The following RIN2 variants were observed in gnomAD, a reference collection of about 807,000 sequenced individuals.
The protein encoded by RIN2 is RAB5 interacting protein 2.
A neutral mutation model predicts 78.0 loss-of-function variants in RIN2; 36 were observed. The ratio of observed to expected loss-of-function variants is 0.46; its 90% CI spans 0.35 to 0.61. The LOEUF is 0.61. Among genes scored for constraint, RIN2 ranks in the 20% least tolerant of loss-of-function variants. RIN2 has a pLI of 0.00. For missense variants in RIN2, 1,087 were observed against 1,159.7 expected (o/e 0.94, Z 0.91); for synonymous variants, 466 against 466.8 (o/e 1.00, Z 0.02).
At chr20:19,909,842 C>T (rs2039385047) in intron 3 of RIN2, among the ~76,000 whole-genome samples, 3 of 152,208 alleles carry the variant, frequency 2.0e-5, no homozygotes, top group Admixed American at 2.0e-4. Flanking sequence ...CCCAGAGGCA[C>T]TCAGCAGGCA....
chr20:19,873,482 G>A (rs899340953), intron 2 of RIN2, among the ~76,000 whole-genome samples: 4 of 152,132 alleles, frequency 2.6e-5, no homozygotes, highest in Non-Finnish European at 5.9e-5. Flanking sequence ...TGCAGGCCAC[G>A]TAGTCTCTGT....
rs1400044530 is a variant in RIN2, at chr20:19,889,666, G to A, written c.57+8G>A. On this transcript the variant is annotated splice_region_variant and intron_variant, in intron 3 of 12. Coordinates refer to ENST00000255006, the MANE Select transcript of RIN2 (RefSeq NM_018993.4). The stretch of plus-strand genomic sequence containing the variant: ...CGAGGAAGTTTCTTTAAGGTAAAAG[G>A]AAGCCTTGATTGGGATCTCAACTCG... The A allele has an allele frequency of 2.7e-6, 4 of 1,494,436 alleles. No homozygotes were observed. Among genetic ancestry groups the A allele is most frequent in the Non-Finnish European group, 3.6e-6 (4 of 1,114,758 alleles). The allele number at this position is 1,494,436 out of a possible 1,614,324, so 92.6% of individuals were successfully genotyped here. A position where few individuals can be genotyped will look rare whatever the true frequency, so the allele number is the denominator to read the frequency against.
At chr20:19,876,353 C>T (rs1298601281) in intron 2 of RIN2, among the ~76,000 whole-genome samples, 2 of 152,090 alleles carry the variant, frequency 1.3e-5, no homozygotes, top group East Asian at 3.9e-4. Flanking sequence ...TTTCTGTCTA[C>T]TCTCTGTGTA....
intron 3 of RIN2, among the ~76,000 whole-genome samples, chr20:19,893,754 A>G (rs2038589903): frequency 6.6e-6 from 1 of 152,174 alleles, no homozygotes; most frequent in Middle Eastern, 3.2e-3. Context: ...CATCTGGGAA[A>G]AGTGGTATCT....
At position 19,880,942 on chromosome 20, in the gene RIN2, C is replaced by T. The variant is rs144999310; in HGVS notation, c.-36-8624C>T. ...ACATATGGCTTCCTTTAACTATTCC[C>T]GATGGCAGCATTTTACTTGGTTAAG... On this transcript the variant is annotated intron_variant, in intron 2 of 12. Coordinates refer to ENST00000255006, the MANE Select transcript of RIN2 (RefSeq NM_018993.4). Among the ~76,000 whole-genome samples, 398 of 152,244 alleles carry T rather than the reference C, an allele frequency of 2.6e-3. 2 individuals are homozygous for T. The highest frequency in any genetic ancestry group is 9.4e-3 in the African/African-American group (389 of 41,552).
Position 19,971,943 on chromosome 20 carries a change from C to T in RIN2, c.628+1014C>T, listed in dbSNP as rs576572092. Reference sequence around the variant, plus strand: ...TTTCAGTAGCGACGGCGTTTCACCACGTTGGCCAAGCTGGTCTCGAAATCC... The same window carrying T: ...TTTCAGTAGCGACGGCGTTTCACCATGTTGGCCAAGCTGGTCTCGAAATCC... On this transcript the variant is annotated intron_variant, in intron 8 of 12. Transcript: ENST00000255006. 7.2e-5 allele frequency among the ~76,000 whole-genome samples: 11 copies of T among 152,128 alleles called. No individual in the cohort carries two copies. In the South Asian group the frequency reaches 1.0e-3, roughly 14 times the overall value.
At chr20:19,894,720 C>T (rs1455935842) in intron 3 of RIN2, among the ~76,000 whole-genome samples, 1 of 152,206 alleles carries the variant, frequency 6.6e-6, no homozygotes, top group East Asian at 1.9e-4. Context: ...AATCATTGGA[C>T]CTCTTTTTCG....
chr20:19,841,153 G>A (rs1249469496), intron 2 of RIN2, among the ~76,000 whole-genome samples: 1 of 152,164 alleles, frequency 6.6e-6, no homozygotes, highest in South Asian at 2.1e-4. Context: ...TGTGAACATA[G>A]CACATTGCAG....
rs1010140988 is a variant in RIN2, at chr20:20,000,491, C to T, written c.2365-122C>T. 3.0e-5 allele frequency: 23 copies of T among 760,770 alleles called. No individual in the cohort carries two copies. The Middle Eastern group carries it at 9.8e-4, about 32-fold the overall frequency. 47.1% of individuals were successfully genotyped at this position (760,770 alleles called of 1,614,324 possible). On this transcript the variant is annotated intron_variant, in intron 12 of 12. Transcript: ENST00000255006. The stretch of plus-strand genomic sequence containing the variant: ...CATTCGAAGCCTCGTGGCCTGACAT[C>T]GGACATTATGACAGGAAAGGGCCTG...
At chr20:19,963,569 A>T (rs538154545) in intron 6 of RIN2, among the ~76,000 whole-genome samples, 2 of 150,690 alleles carry the variant, frequency 1.3e-5, no homozygotes, top group South Asian at 4.2e-4. Flanking sequence ...AGATTGCACC[A>T]TTGCACTCCA....
intron 3 of RIN2, among the ~76,000 whole-genome samples, chr20:19,903,808 A>G (rs966437976): frequency 1.3e-5 from 2 of 152,220 alleles, no homozygotes; most frequent in African/African-American, 4.8e-5. Context: ...GCTTTCCAGA[A>G]GTAAAGGAAA....
chr20:19,775,104 A>G (rs934559787), intron 1 of RIN2, among the ~76,000 whole-genome samples: 3 of 152,164 alleles, frequency 2.0e-5, no homozygotes, highest in Admixed American at 2.0e-4. Context: ...AAACCCAAGG[A>G]GGTGTTAAAT....
At chr20:19,958,001 G>A (rs2041609511) in intron 5 of RIN2, among the ~76,000 whole-genome samples, 1 of 152,230 alleles carries the variant, frequency 6.6e-6, no homozygotes, top group Non-Finnish European at 1.5e-5. Flanking sequence ...AGAACTAGAT[G>A]GAGAAGCAAG....
At chr20:19,881,663 A>G (rs2038030230) in intron 2 of RIN2, among the ~76,000 whole-genome samples, 1 of 152,244 alleles carries the variant, frequency 6.6e-6, no homozygotes, top group South Asian at 2.1e-4. Flanking sequence ...CACAGCCTCA[A>G]TCTCCTGGAC....
At chr20:19,817,909 T>C (rs1183834524) in intron 2 of RIN2, among the ~76,000 whole-genome samples, 2 of 152,318 alleles carry the variant, frequency 1.3e-5, no homozygotes, top group Middle Eastern at 3.4e-3. Context: ...TCAAAAAATG[T>C]GAATTAAAAT....
rs73605550 is a variant in RIN2, at chr20:19,943,576, T to C, written c.158+8377T>C. On this transcript the variant is annotated intron_variant, in intron 4 of 12. Coordinates refer to ENST00000255006, the MANE Select transcript of RIN2 (RefSeq NM_018993.4). ...GATTCTTTTTCCTTTTAGAGTTTAA[T>C]GGGACAAAAAAAGGCCTTGAGGAAT... 8.8e-3 allele frequency among the ~76,000 whole-genome samples: 1,347 copies of C among 152,232 alleles called. 34 individuals carry two copies. Among genetic ancestry groups the C allele is most frequent in the East Asian group, 0.06 (310 of 5,176 alleles).
chr20:19,867,483 C>G (rs1378380006), intron 2 of RIN2, among the ~76,000 whole-genome samples: 1 of 152,154 alleles, frequency 6.6e-6, no homozygotes, highest in Non-Finnish European at 1.5e-5. Context: ...GTTGTCACTT[C>G]TGTTTAGAGA....
chr20:19,915,494 A>C (rs575577475), intron 3 of RIN2, among the ~76,000 whole-genome samples: 2 of 152,296 alleles, frequency 1.3e-5, no homozygotes, highest in South Asian at 4.1e-4. Context: ...ACAACAGAAG[A>C]AAACGGTGAC....
chr20:19,961,852 A>T (rs1251060499), intron 6 of RIN2, among the ~76,000 whole-genome samples: 1 of 152,198 alleles, frequency 6.6e-6, no homozygotes, highest in African/African-American at 2.4e-5. Flanking sequence ...GAACCCAGCC[A>T]ATAATGTAAA....
Sources: gnomAD v4.1 joint callset for allele counts (sites outside exome capture counted in the v4.1 genomes callset) on GRCh38, gnomAD v4.1.1 for gene constraint, MANE v1.5 for transcripts, NCBI Gene and HGNC (gene_info 2026-07-23, HGNC 2026-07-21) for gene names.